The following C10orf90 variants were observed in gnomAD, a reference collection of about 807,000 sequenced individuals.
The protein encoded by C10orf90 is (E2-independent) E3 ubiquitin-conjugating enzyme FATS.
In C10orf90, 56 loss-of-function variants were observed where a neutral mutation model predicts 62.5. That is an observed-to-expected ratio of 0.90 (90% confidence interval 0.72 to 1.12). C10orf90 has a LOEUF of 1.12. C10orf90 is among the 50% of genes most tolerant of loss of function. The probability of loss-of-function intolerance (pLI) is 0.00; values close to 1 mark genes in which losing one functional copy is unlikely to be tolerated. For synonymous variants in C10orf90, 386 were observed against 340.4 expected (o/e 1.13, Z -1.47); for missense variants, 970 against 880.4 (o/e 1.10, Z -1.29).
chr10:126,442,633 G>GTGTGTATATA (rs1160734939), intron 7 of C10orf90, among the ~76,000 whole-genome samples: 1 of 88,478 alleles, frequency 1.1e-5, no homozygotes, highest in African/African-American at 5.4e-5. Context: ...TTGTGTGTGT[G>GTGTGTATATA]TATATATATA....
At chr10:126,465,087 G>A in intron 4 of C10orf90, 101 bp from the exon 5 acceptor site, 2 of 1,277,974 alleles carry the variant, frequency 1.6e-6, no homozygotes, top group Non-Finnish European at 2.2e-6. Flanking sequence ...AGACTTGGGG[G>A]GGAGTACAGC....
chr10:126,434,068 A>G (rs913033498), intron 7 of C10orf90, among the ~76,000 whole-genome samples: 12 of 152,174 alleles, frequency 7.9e-5, no homozygotes, highest in African/African-American at 2.9e-4. Context: ...TACAGTGTCT[A>G]TTGCTAATTT....
chr10:126,437,389 A>T (rs1006595102), intron 7 of C10orf90, among the ~76,000 whole-genome samples: 11 of 152,202 alleles, frequency 7.2e-5, no homozygotes, highest in African/African-American at 2.7e-4. Context: ...ATACCAGGTC[A>T]TCGAAATCAG....
At chr10:126,465,032 A>G (rs766812220) in intron 4 of C10orf90, 46 bp from the exon 5 acceptor site, 13 of 1,571,592 alleles carry the variant, frequency 8.3e-6, no homozygotes, top group African/African-American at 4.1e-5. Flanking sequence ...TATGAATCCA[A>G]TCTAATGTAC....
At chr10:126,527,658 T>C (rs548802354) in intron 2 of C10orf90, among the ~76,000 whole-genome samples, 1 of 152,350 alleles carries the variant, frequency 6.6e-6, no homozygotes, top group South Asian at 2.1e-4. Context: ...ACAAGTCACC[T>C]AACTTCTCTA....
chr10:126,514,654 A>C (rs1217681575), intron 2 of C10orf90, among the ~76,000 whole-genome samples: 1 of 152,164 alleles, frequency 6.6e-6, no homozygotes, highest in African/African-American at 2.4e-5. Flanking sequence ...ACCTGCCCTG[A>C]GTACCTCACG....
intron 4 of C10orf90, among the ~76,000 whole-genome samples, chr10:126,474,807 C>T (rs1860766788): frequency 6.6e-6 from 1 of 152,222 alleles, no homozygotes; most frequent in Non-Finnish European, 1.5e-5. Context: ...ACTTGCAATT[C>T]AGCCATTCCC....
At chr10:126,641,974 C>T (rs957495989) in intron 2 of C10orf90, among the ~76,000 whole-genome samples, 1 of 152,098 alleles carries the variant, frequency 6.6e-6, no homozygotes, top group Non-Finnish European at 1.5e-5. Context: ...ATGAAGGATG[C>T]AGAAATGAAA....
Position 126,576,705 on chromosome 10 carries a change from G to A in C10orf90, c.314-62766C>T, listed in dbSNP as rs1424835640. On this transcript the variant is annotated intron_variant, in intron 2 of 9. Coordinates refer to ENST00000488181, the MANE Select transcript of C10orf90 (RefSeq NM_001350921.2). ...TATACATATACATGTATATGTATAT[G>A]TATATATATACAAGATATACATATA... Among the ~76,000 whole-genome samples the A allele has an allele frequency of 6.1e-4, 42 of 69,266 alleles. 3 individuals are homozygous for A. The highest frequency in any genetic ancestry group is 1.3e-3 in the African/African-American group (20 of 15,228). The allele number at this position is 69,266 out of a possible 152,430, so 45.4% of individuals were successfully genotyped here.
chr10:126,579,343 C>T (rs7087127), intron 2 of C10orf90, among the ~76,000 whole-genome samples: 3,671 of 150,566 alleles, frequency 0.024, 146 homozygotes, highest in African/African-American at 0.084. Flanking sequence ...TGGGTTCAGG[C>T]GATTCTCATG....
intron 2 of C10orf90, among the ~76,000 whole-genome samples, chr10:126,574,962 G>A (rs11245049): frequency 0.43 from 64,900 of 151,776 alleles, 14,143 homozygotes; most frequent in Middle Eastern, 0.51. Context: ...AAGATAAAAC[G>A]CCTCTTACAA....
chr10:126,531,362 G>C (rs760943237), intron 2 of C10orf90, among the ~76,000 whole-genome samples: 7 of 152,108 alleles, frequency 4.6e-5, no homozygotes, highest in African/African-American at 1.7e-4. Flanking sequence ...AAAGCAATCA[G>C]GGGTGCTGCG....
At chr10:126,510,979 A>G (rs1318407435) in intron 3 of C10orf90, among the ~76,000 whole-genome samples, 2 of 152,170 alleles carry the variant, frequency 1.3e-5, no homozygotes, top group Admixed American at 6.5e-5. Context: ...ATTTTTCCCC[A>G]TTGCTGCTCT....
intron 4 of C10orf90, among the ~76,000 whole-genome samples, chr10:126,467,706 G>A (rs549961249): frequency 2.6e-5 from 4 of 152,034 alleles, no homozygotes; most frequent in South Asian, 2.1e-4. Flanking sequence ...ATGCCGTAGC[G>A]CAATAATCTC....
At chr10:126,474,903 C>A (rs1449321640) in intron 4 of C10orf90, among the ~76,000 whole-genome samples, 1 of 152,188 alleles carries the variant, frequency 6.6e-6, no homozygotes, top group Non-Finnish European at 1.5e-5. Flanking sequence ...TGTCCTCTGT[C>A]AGCAAGTAAG....
intron 2 of C10orf90, among the ~76,000 whole-genome samples, chr10:126,568,111 G>C (rs1045756461): frequency 3.3e-5 from 5 of 152,072 alleles, no homozygotes; most frequent in African/African-American, 1.2e-4. Flanking sequence ...CCAGAGGGAG[G>C]AGGCAGTAGT....
chr10:126,654,403 T>C lies in C10orf90; in HGVS notation c.241-7766A>G, dbSNP rs112993705. 7.2e-3 allele frequency among the ~76,000 whole-genome samples: 1,092 copies of C among 152,368 alleles called. 16 individuals carry two copies. The highest frequency in any genetic ancestry group is 0.025 in the African/African-American group (1,056 of 41,584). ...ACTTTGATGTTATAGAGACAGCTTA[T>C]TTCTTTAAACCTCATGAACCAACCT... On this transcript the variant is annotated intron_variant, in intron 1 of 9. Coordinates refer to ENST00000488181, the MANE Select transcript of C10orf90 (RefSeq NM_001350921.2).
At chr10:126,444,731 CAAAT>C (rs1858633332) in intron 7 of C10orf90, among the ~76,000 whole-genome samples, 1 of 151,808 alleles carries the variant, frequency 6.6e-6, no homozygotes, top group Admixed American at 6.6e-5. Flanking sequence ...CTAAGCAAAA[CAAAT>C]AAATCTGGAG....
At position 126,660,276 on chromosome 10, in the gene C10orf90, A is replaced by G. The variant is rs368156371; in HGVS notation, c.240+9965T>C. Among the ~76,000 whole-genome samples, 5 of 152,356 alleles carry G rather than the reference A, an allele frequency of 3.3e-5. No individual in the cohort carries two copies. In the South Asian group the frequency reaches 6.2e-4, roughly 19 times the overall value. On this transcript the variant is annotated intron_variant, in intron 1 of 9. Transcript: ENST00000488181. ...GGGTTTTACTGACATAATTAAGGCT[A>G]CTAATCAGTTGACATTGAGTCAATC... is the stretch of plus-strand genomic sequence containing the variant.
Sources: gnomAD v4.1 joint callset for allele counts (sites outside exome capture counted in the v4.1 genomes callset) on GRCh38, gnomAD v4.1.1 for gene constraint, MANE v1.5 for transcripts, NCBI Gene and HGNC (gene_info 2026-07-23, HGNC 2026-07-21) for gene names.